The following GALNT14 variants were observed in gnomAD, a reference collection of about 807,000 sequenced individuals.
GALNT14 encodes the protein UDP-GalNAc:polypeptide N-acetylgalactosaminyltransferase 14.
Under a neutral mutation model 77.5 loss-of-function variants are expected in GALNT14, and 60 were observed. That is an observed-to-expected ratio of 0.77 (90% CI 0.63 to 0.96). GALNT14 has a LOEUF of 0.96. GALNT14 is among the 40% of genes least tolerant of loss of function. The pLI is 0.00. For synonymous variants in GALNT14, 280 were observed against 281.7 expected (o/e 0.99, Z 0.06); for missense variants, 710 against 731.0 (o/e 0.97, Z 0.33).
chr2:31,074,184 G>A (rs1675607211), intron 1 of GALNT14, among the ~76,000 whole-genome samples: 1 of 152,152 alleles, frequency 6.6e-6, no homozygotes, highest in Non-Finnish European at 1.5e-5. Context: ...GGGAGACGGT[G>A]CCAAGCACAC....
At chr2:31,048,593 C>CACCCTCCTG in intron 1 of GALNT14, among the ~76,000 whole-genome samples, 1 of 108,160 alleles carries the variant, frequency 9.2e-6, no homozygotes, top group East Asian at 3.3e-4. Flanking sequence ...CCTCCCCACC[C>CACCCTCCTG]CCACTCCTGC....
chr2:30,987,711 CCCCCT>C (rs1669393822), intron 2 of GALNT14, among the ~76,000 whole-genome samples: 3 of 15,686 alleles, frequency 1.9e-4, no homozygotes, highest in African/African-American at 1.0e-3. Context: ...CCTCCTCCCT[CCCCCT>C]CCTCCCCCTC....
rs1365429891 is a variant in GALNT14 at position 30,919,459 on chromosome 2, G to A, written c.1380+4660C>T. ...ACAACGAGGACGCCCCAGAGCCTGG[G>A]GCTCACCTGCCTGCAGAGACTGTGG... On this transcript the variant is annotated intron_variant, in intron 13 of 14. Coordinates refer to ENST00000349752, the MANE Select transcript of GALNT14 (RefSeq NM_024572.4). Among the ~76,000 whole-genome samples the A allele has an allele frequency of 5.3e-5, 8 of 152,240 alleles. No individual in the cohort carries two copies. In the South Asian group the frequency reaches 8.3e-4, roughly 16 times the overall value.
At chr2:30,970,907 A>C (rs1668310887) in intron 2 of GALNT14, among the ~76,000 whole-genome samples, 1 of 152,204 alleles carries the variant, frequency 6.6e-6, no homozygotes, top group Non-Finnish European at 1.5e-5. Context: ...GATGAGCTGA[A>C]CTAAGGCTCA....
intron 1 of GALNT14, among the ~76,000 whole-genome samples, chr2:31,133,919 C>A (rs1460779615): frequency 6.6e-6 from 1 of 152,132 alleles, no homozygotes; most frequent in Non-Finnish European, 1.5e-5. Flanking sequence ...TTTACTTGAG[C>A]TATTAATAGA....
intron 1 of GALNT14, among the ~76,000 whole-genome samples, chr2:31,121,977 C>G (rs1678434970): frequency 6.6e-6 from 1 of 152,114 alleles, no homozygotes; most frequent in Non-Finnish European, 1.5e-5. Flanking sequence ...CATCTTCTAT[C>G]ATTTACAAAA....
At chr2:31,029,450 C>G (rs1411921746) in intron 1 of GALNT14, among the ~76,000 whole-genome samples, 2 of 152,214 alleles carry the variant, frequency 1.3e-5, no homozygotes, top group African/African-American at 4.8e-5. Flanking sequence ...GCCAATCTCA[C>G]ATGAAGACTG....
At chr2:30,943,304 G>T (rs1666492902) in intron 8 of GALNT14, among the ~76,000 whole-genome samples, 1 of 152,318 alleles carries the variant, frequency 6.6e-6, no homozygotes, top group Admixed American at 6.5e-5. Context: ...AGGCAGGAGG[G>T]GAGCAGATTC....
At chr2:31,054,326 G>A (rs1019974930) in intron 1 of GALNT14, among the ~76,000 whole-genome samples, 1 of 152,162 alleles carries the variant, frequency 6.6e-6, no homozygotes, top group African/African-American at 2.4e-5. Flanking sequence ...GTGGCTGACT[G>A]CTACCTGTCA....
At chr2:30,960,641 G>A (rs554995266) in intron 3 of GALNT14, among the ~76,000 whole-genome samples, 6 of 152,102 alleles carry the variant, frequency 3.9e-5, no homozygotes, top group East Asian at 1.9e-4. Flanking sequence ...AGGTGGGCAC[G>A]TGCTCTGGGT....
chr2:31,088,955 G>A (rs1676594572), intron 1 of GALNT14, among the ~76,000 whole-genome samples: 2 of 152,118 alleles, frequency 1.3e-5, no homozygotes, highest in African/African-American at 4.8e-5. Context: ...GATACAAGAA[G>A]GTTTAAAGGT....
At chr2:31,016,340 C>T (rs1465289276) in intron 1 of GALNT14, among the ~76,000 whole-genome samples, 1 of 152,150 alleles carries the variant, frequency 6.6e-6, no homozygotes, top group African/African-American at 2.4e-5. Context: ...TTGATTACCT[C>T]CTTATAGGCC....
At chr2:31,080,237 T>C (rs1271850817) in intron 1 of GALNT14, among the ~76,000 whole-genome samples, 4 of 152,172 alleles carry the variant, frequency 2.6e-5, no homozygotes, top group African/African-American at 7.2e-5. Context: ...ACCAAACACA[T>C]TACCCTGAAT....
intron 1 of GALNT14, among the ~76,000 whole-genome samples, chr2:31,118,225 C>T (rs766072850): frequency 3.9e-5 from 6 of 151,988 alleles, no homozygotes; most frequent in South Asian, 2.1e-4. Flanking sequence ...AATAAATCGG[C>T]GAAAGTTATT....
At chr2:31,104,702 G>T (rs931943751) in intron 1 of GALNT14, among the ~76,000 whole-genome samples, 2 of 152,120 alleles carry the variant, frequency 1.3e-5, no homozygotes, top group Non-Finnish European at 2.9e-5. Flanking sequence ...CTTCTGTAGA[G>T]CCTGTGTCCA....
At chr2:30,997,707 C>A (rs543902796) in intron 1 of GALNT14, among the ~76,000 whole-genome samples, 75 of 152,286 alleles carry the variant, frequency 4.9e-4, no homozygotes, top group African/African-American at 1.8e-3. Flanking sequence ...TTTTAATTAA[C>A]AAATAATATC....
chr2:31,065,947 A>C (rs1674920957), intron 1 of GALNT14, among the ~76,000 whole-genome samples: 2 of 152,160 alleles, frequency 1.3e-5, no homozygotes, highest in African/African-American at 4.8e-5. Context: ...GCACAGTAAC[A>C]AGAGTACAGG....
At chr2:30,917,076 CAAAA>C (rs529653696) in intron 13 of GALNT14, among the ~76,000 whole-genome samples, 43 of 19,898 alleles carry the variant, frequency 2.2e-3, no homozygotes, top group Non-Finnish European at 3.4e-3. Context: ...GACTCCGTCT[CAAAA>C]AAAAAAAAAA....
At chr2:30,891,571 C>T in the GALNT14 span, among the ~76,000 whole-genome samples, 3 of 152,186 alleles carry the variant, frequency 2.0e-5, no homozygotes, top group Non-Finnish European at 4.4e-5. Flanking sequence ...CCAAAGACAG[C>T]TTCATGTGCA....
Sources: allele counts gnomAD v4.1 joint callset (sites outside exome capture counted in the v4.1 genomes callset), GRCh38; gene constraint gnomAD v4.1.1; transcripts MANE v1.5; gene names NCBI Gene and HGNC (gene_info 2026-07-23, HGNC 2026-07-21).